The following LENG8 variants were observed in gnomAD, a reference collection of about 807,000 sequenced individuals.
The protein encoded by LENG8 is leukocyte receptor cluster (LRC) member 8.
Under a neutral mutation model 102.1 loss-of-function variants are expected in LENG8, and 28 were observed. The ratio of observed to expected loss-of-function variants is 0.27; its 90% CI spans 0.20 to 0.38. The LOEUF (loss-of-function observed/expected upper bound fraction) is 0.38. Among genes scored for constraint, LENG8 ranks in the 10% least tolerant of loss-of-function variants. The pLI is 1.00. For missense variants in LENG8, 1,022 were observed against 1,113.9 expected, an observed-to-expected ratio of 0.92 and a Z score of 1.17; for synonymous variants, 531 against 456.7, an observed-to-expected ratio of 1.16 and a Z score of -2.07.
intron 11 of LENG8, among the ~76,000 whole-genome samples, chr19:54,457,426 C>T (rs929414400): frequency 2.6e-5 from 4 of 152,214 alleles, no homozygotes; most frequent in Admixed American, 1.3e-4. Flanking sequence ...CCGCAGCCTC[C>T]GCTCCCCGGC....
rs1218146465 is a variant in LENG8 at position 54,460,922 on chromosome 19, C to G, written c.2397C>G (p.Ala799=). The G allele has an allele frequency of 6.5e-7, 1 of 1,547,368 alleles. No individual in the cohort carries two copies. Among genetic ancestry groups the G allele is most frequent in the Non-Finnish European group, 8.7e-7 (1 of 1,148,548 alleles). ...GCCTCAGCCTGGCGCAGCTGTCAGC[C>G]TTCTGAGCACCCAGCGAGGAGGGGC... ...DCRLSLAQLS[A]F Residue 799 remains alanine, a synonymous_variant, in exon 16 of 16, where the codon GCC becomes GCG. Transcript: ENST00000326764.
intron 4 of LENG8, 89 bp downstream of exon 4, chr19:54,452,841 G>C: frequency 1.1e-6 from 1 of 889,522 alleles, no homozygotes; most frequent in Non-Finnish European, 1.9e-6. Context: ...GGATGGGGCT[G>C]GGTGGTGGAT....
chr19:54,459,199 C>T (rs1569306579), intron 15 of LENG8: 2 of 1,135,520 alleles, frequency 1.8e-6, no homozygotes, highest in Admixed American at 4.4e-5. Flanking sequence ...TCGCTTGTCA[C>T]AGCAAGGGGA....
chr19:54,460,406 A>G, intron 15 of LENG8: 2 of 1,230,550 alleles, frequency 1.6e-6, no homozygotes, highest in South Asian at 1.6e-5. Flanking sequence ...CTGGGTCCCC[A>G]CGGTGGCCCT....
At chr19:54,453,839 C>T (rs2084083453) in intron 5 of LENG8, among the ~76,000 whole-genome samples, 183 bp downstream of exon 5, 1 of 152,182 alleles carries the variant, frequency 6.6e-6, no homozygotes, top group South Asian at 2.1e-4. Context: ...TAAGGCTGAG[C>T]CAAGGCCAGG....
chr19:54,458,676 TCTC>T, intron 15 of LENG8, 155 bp downstream of exon 15: 1 of 1,551,682 alleles, frequency 6.4e-7, no homozygotes, highest in African/African-American at 1.4e-5. Context: ...AGCCCTCCCC[TCTC>T]CAGTTCCTCT....
Position 54,458,174 on chromosome 19 carries a change from T to C in LENG8, c.1974T>C (p.Asn658=), listed in dbSNP as rs776422802. The C allele has an allele frequency of 1.2e-6, 2 of 1,614,214 alleles. No individual in the cohort carries two copies. Among genetic ancestry groups the C allele is most frequent in the Middle Eastern group, 1.6e-4 (1 of 6,062 alleles). The change falls in exon 14 of 16, where the codon AAT becomes AAC. Residue 658 remains asparagine (N), a synonymous_variant. Transcript: ENST00000326764. ...TGTACGCCGAGAACTTGCCTGGCAA[T>C]GTGGGCGAGTTTACTGCCTACCGAA... ...KSLYAENLPG[N]VGEFTAYRIL... is the part of the protein sequence containing the mutation.
rs375566581 is a variant in LENG8, at chr19:54,458,354, G to A, written c.2073G>A (p.Lys691=). The change falls in exon 15 of 16, where the codon AAG becomes AAA. Residue 691 remains lysine (K), a synonymous_variant. Transcript: ENST00000326764. ...TGGCATACCTCACACGAGAACTGAA[G>A]GCAGATCCTTGCGTGGCCCACGCCT... ...TELAYLTREL[K]ADPCVAHALA... is the part of the protein sequence containing the mutation. 14 of 1,614,042 alleles carry A rather than the reference G, an allele frequency of 8.7e-6. No individual in the cohort carries two copies. Among genetic ancestry groups the A allele is most frequent in the African/African-American group, 6.7e-5 (5 of 74,952 alleles).
intron 15 of LENG8, chr19:54,459,608 A>G (rs1230525269): frequency 3.0e-6 from 3 of 994,736 alleles, no homozygotes; most frequent in Non-Finnish European, 3.6e-6. Flanking sequence ...TGGTCACAGC[A>G]TGGAGGCCTT....
chr19:54,460,123 A>T (rs559823121), intron 15 of LENG8: 1 of 1,289,846 alleles, frequency 7.8e-7, no homozygotes, highest in Admixed American at 2.3e-5. Flanking sequence ...GCTTCCAGGA[A>T]AGCTCTGGCT....
chr19:54,460,593 C>CA, intron 15 of LENG8, 173 bp from the exon 16 acceptor site: 1 of 1,413,562 alleles, frequency 7.1e-7, no homozygotes, highest in Non-Finnish European at 9.2e-7. Context: ...TAACCCCCCC[C>CA]GGGCCCCCCC....
rs759670057 is a variant in LENG8 at position 54,456,619 on chromosome 19, C to T, written c.1446-17C>T. ...TGGAGACGCCTGTCGCGCTCACTGC[C>T]CCTCATCCCTTCCTAGGCACGATCT... On this transcript the variant is annotated splice_polypyrimidine_tract_variant and intron_variant, in intron 10 of 15. Transcript: ENST00000326764. 5 of 1,601,396 alleles carry T rather than the reference C, an allele frequency of 3.1e-6. No individual in the cohort carries two copies. The highest frequency in any genetic ancestry group is 2.2e-5 in the East Asian group (1 of 44,574).
chr19:54,449,988 A>G (rs542808824), intron 1 of LENG8, among the ~76,000 whole-genome samples: 1 of 152,282 alleles, frequency 6.6e-6, no homozygotes, highest in African/African-American at 2.4e-5. Flanking sequence ...CTATCCCGTC[A>G]ACTCGTGGGA....
Position 54,455,060 on chromosome 19 carries a change from C to T in LENG8, c.789C>T (p.Pro263=), listed in dbSNP as rs754385270. ...NAEGQHSGFG[P]QPNPEKVQNH... is the part of the protein sequence containing the mutation. ...AGGGCCAGCACAGTGGTTTTGGCCC[C>T]CAGCCCAACCCTGAGAAAGTTCAGA... Residue 263 remains proline, a synonymous_variant, in exon 7 of 16, where the codon CCC becomes CCT. Transcript: ENST00000326764. The T allele has an allele frequency of 2.0e-5, 32 of 1,614,074 alleles. No individual in the cohort carries two copies. In the Admixed American group the frequency reaches 5.3e-4, roughly 27 times the overall value.
At chr19:54,455,279 G>A (rs558387838) in intron 7 of LENG8, 85 bp from the exon 8 acceptor site, 12 of 1,531,644 alleles carry the variant, frequency 7.8e-6, no homozygotes, top group African/African-American at 1.4e-5. Flanking sequence ...ACTGCGTCCC[G>A]CTGTGTCAGC....
Position 54,461,554 on chromosome 19 carries a change from CCTCGT to C in LENG8, c.*630_*634del, listed in dbSNP as rs1177213262. 13 of 471,996 alleles carry C rather than the reference CCTCGT, an allele frequency of 2.8e-5. No individual in the cohort carries two copies. Among genetic ancestry groups the C allele is most frequent in the Non-Finnish European group, 5.3e-5 (12 of 227,590 alleles). 29.2% of individuals were successfully genotyped at this position (471,996 alleles called of 1,614,324 possible). ...CACTGAGGACACGCCGGCCGGGCCGCCTCGTCTCAAGTTGTATAAAGTTGTCTCCG... is the reference window on the plus strand; with the variant it reads ...CACTGAGGACACGCCGGCCGGGCCGCCTCAAGTTGTATAAAGTTGTCTCCG... On this transcript the variant is annotated 3_prime_UTR_variant, in exon 16 of 16. Coordinates refer to ENST00000326764, the MANE Select transcript of LENG8 (RefSeq NM_052925.4).
intron 10 of LENG8, 66 bp downstream of exon 10, chr19:54,456,531 A>G (rs1258745938): frequency 2.1e-5 from 32 of 1,541,114 alleles, no homozygotes; most frequent in South Asian, 4.9e-5. Flanking sequence ...CCCATGGGAG[A>G]AGGAGGAGGA....
rs1359200961 is a variant in LENG8 at position 54,452,258 on chromosome 19, C to A, written c.204C>A (p.Ala68=). The A allele has an allele frequency of 6.2e-7, 1 of 1,611,892 alleles. No homozygotes were observed. The highest frequency in any genetic ancestry group is 8.5e-7 in the Non-Finnish European group (1 of 1,178,792). ...AGTCCAGCAGCAATGGGCCTGTGGC[C>A]AGTGCACAGGTGAGAAGGCCTCATG... ...SAKSSSNGPV[A]SAQYVSQAEA... is the part of the protein sequence containing the mutation. The change falls in exon 3 of 16, where the codon GCC becomes GCA. Residue 68 remains alanine, a synonymous_variant. Coordinates refer to ENST00000326764, the MANE Select transcript of LENG8 (RefSeq NM_052925.4).
chr19:54,454,316 C>T (rs1406975625), intron 5 of LENG8, 114 bp from the exon 6 acceptor site: 34 of 1,074,152 alleles, frequency 3.2e-5, no homozygotes, highest in South Asian at 2.9e-4. Flanking sequence ...GGGAAGGTCA[C>T]GGGAGGGTTG....
Sources: gnomAD v4.1 joint callset for allele counts (sites outside exome capture counted in the v4.1 genomes callset) on GRCh38, gnomAD v4.1.1 for gene constraint, MANE v1.5 for transcripts, NCBI Gene and HGNC (gene_info 2026-07-23, HGNC 2026-07-21) for gene names.